BDP1: variants seen among roughly 807,000 people sequenced by gnomAD.
BDP1 encodes the protein BDP1 general transcription factor IIIB subunit.
A neutral mutation model predicts 266.6 loss-of-function variants in BDP1; 169 were observed. That is an observed-to-expected ratio of 0.63 (90% confidence interval 0.56 to 0.72). The LOEUF (loss-of-function observed/expected upper bound fraction) is 0.72. BDP1 is among the 30% of genes least tolerant of loss of function. The pLI is 0.00. For synonymous variants in BDP1, 1,090 were observed against 1,022.4 expected, an observed-to-expected ratio of 1.07 and a Z score of -1.26; for missense variants, 3,015 against 3,053.8, an observed-to-expected ratio of 0.99 and a Z score of 0.30.
downstream of BDP1, among the ~76,000 whole-genome samples, chr5:71,568,787 A>G (rs1454932894): frequency 6.6e-6 from 1 of 152,372 alleles, no homozygotes; most frequent in East Asian, 1.9e-4. Context: ...TCCAGTTAGC[A>G]TAATGTTATA....
At chr5:71,500,291 T>C (rs1764146171) in intron 13 of BDP1, among the ~76,000 whole-genome samples, 1 of 150,930 alleles carries the variant, frequency 6.6e-6, no homozygotes, top group African/African-American at 2.4e-5. Context: ...TACCTTTTTT[T>C]CTTTGAAGTG....
In BDP1 at chr5:71,506,823, A is replaced by ACACACACAC. The variant is rs377599570; in HGVS notation, c.2372+2073_2372+2074insACACACACC. Among the ~76,000 whole-genome samples the ACACACACAC allele has an allele frequency of 1.6e-3, 228 of 141,802 alleles. 1 individual carries two copies. Among genetic ancestry groups the ACACACACAC allele is most frequent in the African/African-American group, 5.6e-3 (216 of 38,284 alleles). The allele number at this position is 141,802 out of a possible 152,430, so 93.0% of individuals were successfully genotyped here. ...CACACACACACACACACACACACAC[A>ACACACACAC]CCCATATTTTTTTAAAGACAAGGGT... On this transcript the variant is annotated intron_variant, in intron 16 of 38. Transcript: ENST00000358731.
Position 71,515,105 on chromosome 5 carries a change from C to T in BDP1, c.4632C>T (p.Asp1544=). Residue 1544 remains aspartate (D), a synonymous_variant, in exon 20 of 39, where the codon GAC becomes GAT. Coordinates refer to ENST00000358731, the MANE Select transcript of BDP1 (RefSeq NM_018429.3). Reference sequence around the variant, plus strand: ...AGTCAGCACCAGTCCAGAAAAATGACTCAGTTGTTTCTGTGGGGTAAACAG... The same window carrying T: ...AGTCAGCACCAGTCCAGAAAAATGATTCAGTTGTTTCTGTGGGGTAAACAG... ...ESQSAPVQKN[D]SVVSVGTNNV... is the part of the protein sequence containing the mutation. 1 of 1,596,410 alleles carries T rather than the reference C, an allele frequency of 6.3e-7. No individual in the cohort carries two copies. Among genetic ancestry groups the T allele is most frequent in the Non-Finnish European group, 8.5e-7 (1 of 1,174,626 alleles).
At chr5:71,463,179 A>T (rs1428703617) in intron 3 of BDP1, among the ~76,000 whole-genome samples, 1 of 152,186 alleles carries the variant, frequency 6.6e-6, no homozygotes, top group Non-Finnish European at 1.5e-5. Flanking sequence ...GATCTAAAGG[A>T]GTGATCCAAG....
intron 7 of BDP1, among the ~76,000 whole-genome samples, chr5:71,483,218 T>C (rs1763066307): frequency 6.6e-6 from 1 of 152,210 alleles, no homozygotes; most frequent in Admixed American, 6.5e-5. Flanking sequence ...GTTTGCGTGA[T>C]CAGACGTCTT....
At chr5:71,544,053 C>T (rs1285448708) in intron 30 of BDP1, among the ~76,000 whole-genome samples, 1 of 152,176 alleles carries the variant, frequency 6.6e-6, no homozygotes, top group East Asian at 1.9e-4. Flanking sequence ...GTACCCACCT[C>T]GAAGTCTCTT....
At chr5:71,456,414 C>T (rs1761192944) in intron 1 of BDP1, among the ~76,000 whole-genome samples, 3 of 152,210 alleles carry the variant, frequency 2.0e-5, no homozygotes, top group African/African-American at 4.8e-5. Context: ...TAGTTTTCAT[C>T]CTTCTGGAGT....
intron 35 of BDP1, among the ~76,000 whole-genome samples, chr5:71,555,044 A>G (rs1743118958): frequency 6.6e-6 from 1 of 152,208 alleles, no homozygotes; most frequent in Non-Finnish European, 1.5e-5. Flanking sequence ...ACAAAATTGT[A>G]GGATACACAT....
chr5:71,460,252 C>T (rs571141031), intron 2 of BDP1, among the ~76,000 whole-genome samples: 4 of 152,302 alleles, frequency 2.6e-5, no homozygotes, highest in East Asian at 1.9e-4. Context: ...TGGTGGTGCA[C>T]GCCTGTAATC....
At chr5:71,492,584 T>C (rs1763658199) in intron 11 of BDP1, among the ~76,000 whole-genome samples, 1 of 152,290 alleles carries the variant, frequency 6.6e-6, no homozygotes, top group South Asian at 2.1e-4. Context: ...TTTAATTAGG[T>C]TATTTTCTTT....
intron 4 of BDP1, among the ~76,000 whole-genome samples, chr5:71,464,459 C>T (rs918157501): frequency 2.6e-5 from 4 of 152,114 alleles, no homozygotes; most frequent in Non-Finnish European, 5.9e-5. Context: ...CACGCCACTG[C>T]ATTCCAGCCT....
intron 34 of BDP1, among the ~76,000 whole-genome samples, chr5:71,552,072 T>G (rs1448367549): frequency 1.4e-5 from 2 of 144,716 alleles, no homozygotes; most frequent in African/African-American, 2.6e-5. Flanking sequence ...ACGGGGTGGC[T>G]GCCGGTAGGA....
At chr5:71,485,267 C>CT (rs1763199258) in intron 8 of BDP1, among the ~76,000 whole-genome samples, 2 of 152,120 alleles carry the variant, frequency 1.3e-5, no homozygotes, top group Admixed American at 6.6e-5. Flanking sequence ...CTGGGCAACA[C>CT]AGCAAGATCC....
At chr5:71,507,019 G>A (rs564652979) in intron 16 of BDP1, among the ~76,000 whole-genome samples, 73 of 151,978 alleles carry the variant, frequency 4.8e-4, no homozygotes, top group African/African-American at 1.5e-3. Context: ...ACAGGGTTTC[G>A]CCATGTTGCC....
chr5:71,564,580 A>T (rs1337684256), intron 38 of BDP1, among the ~76,000 whole-genome samples, 174 bp from the exon 39 acceptor site: 2 of 152,174 alleles, frequency 1.3e-5, no homozygotes, highest in East Asian at 3.8e-4. Flanking sequence ...ATGTAACAGC[A>T]TAGAAGTGAA....
In BDP1 at chr5:71,562,304, T is replaced by G. The variant is rs766404123; in HGVS notation, c.7527T>G (p.Ser2509=). The stretch of plus-strand genomic sequence containing the variant: ...GCAGAAGACCCCTGGGATTTTTATC[T>G]TTAATATGCTCAAAGAATAGTTTGG... ...RPGRRPLGFL[S]LICSKNSLES... The change falls in exon 38 of 39, where the codon TCT becomes TCG. Residue 2509 remains serine, a synonymous_variant. Transcript: ENST00000358731. 5.3e-5 allele frequency: 85 copies of G among 1,610,236 alleles called. No homozygotes were observed. The East Asian group carries it at 1.9e-3, about 35-fold the overall frequency.
intron 10 of BDP1, among the ~76,000 whole-genome samples, chr5:71,490,368 T>C (rs1456694168): frequency 6.6e-6 from 1 of 152,192 alleles, no homozygotes; most frequent in Non-Finnish European, 1.5e-5. Flanking sequence ...AATATTATGC[T>C]CTTTTTTGGC....
rs369662812 is a variant in BDP1 at position 71,518,489 on chromosome 5, C to T, written c.4991+1037C>T. ...TTTGAGACAAGGTGTCTCACTGTGTCGCCCAGGATGGAGTGCAGTGGCGCA... is the reference window on the plus strand; with the variant it reads ...TTTGAGACAAGGTGTCTCACTGTGTTGCCCAGGATGGAGTGCAGTGGCGCA... On this transcript the variant is annotated intron_variant, in intron 22 of 38. Transcript: ENST00000358731. 5.9e-5 allele frequency among the ~76,000 whole-genome samples: 9 copies of T among 152,208 alleles called. No individual in the cohort carries two copies. In the East Asian group the frequency reaches 7.7e-4, roughly 13 times the overall value.
Position 71,473,262 on chromosome 5 carries a change from ATTTTTTTTTTTTT to A in BDP1, c.1014+2791_1014+2803del, listed in dbSNP as rs869174435. On this transcript the variant is annotated intron_variant, in intron 7 of 38. Transcript: ENST00000358731. ...TAATGAACCAACTTTTCTTAATGTA[ATTTTTTTTTTTTT>A]TTTTTTTTTTTTTTTTTGAGATGGA... Among the ~76,000 whole-genome samples, 12 of 59,970 alleles carry A rather than the reference ATTTTTTTTTTTTT, an allele frequency of 2.0e-4. No individual in the cohort carries two copies. The South Asian group carries it at 8.3e-3, about 42-fold the overall frequency. 39.3% of individuals were successfully genotyped at this position (59,970 alleles called of 152,430 possible).
Sources: allele counts gnomAD v4.1 joint callset (sites outside exome capture counted in the v4.1 genomes callset), GRCh38; gene constraint gnomAD v4.1.1; transcripts MANE v1.5; gene names NCBI Gene and HGNC (gene_info 2026-07-23, HGNC 2026-07-21).